The following PRR16 variants were observed in gnomAD, a reference collection of about 807,000 sequenced individuals.
PRR16 encodes the protein protein Largen.
A neutral mutation model predicts 18.2 loss-of-function variants in PRR16; 6 were observed. That is an observed-to-expected ratio of 0.33 (90% confidence interval 0.18 to 0.65). The LOEUF (loss-of-function observed/expected upper bound fraction) is 0.65. Among genes scored for constraint, PRR16 ranks in the 30% least tolerant of loss-of-function variants. The pLI, the probability that PRR16 is intolerant of heterozygous loss-of-function variation, is 0.74. For synonymous variants in PRR16, 151 were observed against 147.8 expected, an observed-to-expected ratio of 1.02 and a Z score of -0.16; for missense variants, 412 against 376.6, an observed-to-expected ratio of 1.09 and a Z score of -0.78.
intron 1 of PRR16, among the ~76,000 whole-genome samples, chr5:120,574,213 G>A (rs1010600951): frequency 6.6e-6 from 1 of 151,956 alleles, no homozygotes; most frequent in African/African-American, 2.4e-5. Flanking sequence ...ACTTGAGAAA[G>A]GACTTGTTTT....
intron 1 of PRR16, among the ~76,000 whole-genome samples, chr5:120,621,730 T>G (rs1754695644): frequency 6.6e-6 from 1 of 152,060 alleles, no homozygotes; most frequent in Admixed American, 6.6e-5. Context: ...TTAGCACATC[T>G]CCTTTCTGCC....
chr5:120,471,983 C>T (rs942682036), intron 1 of PRR16, among the ~76,000 whole-genome samples: 1 of 152,090 alleles, frequency 6.6e-6, no homozygotes, highest in Admixed American at 6.5e-5. Context: ...TTTAAACTCC[C>T]AGACCTCACT....
At chr5:120,748,258 A>T in the PRR16 span, among the ~76,000 whole-genome samples, 1 of 152,232 alleles carries the variant, frequency 6.6e-6, no homozygotes, top group East Asian at 1.9e-4. Context: ...GAGGTTGATG[A>T]TTTTTAAATA....
At chr5:120,747,726 A>G in the PRR16 span, among the ~76,000 whole-genome samples, 1 of 152,098 alleles carries the variant, frequency 6.6e-6, no homozygotes. Context: ...TAATCTGTTT[A>G]TAGAAAACAA....
intron 1 of PRR16, among the ~76,000 whole-genome samples, chr5:120,579,081 C>A (rs1753175885): frequency 6.6e-6 from 1 of 151,980 alleles, no homozygotes; most frequent in Non-Finnish European, 1.5e-5. Flanking sequence ...ATCCTTTGCC[C>A]ACTTTTTGAT....
chr5:120,765,208 T>C, the PRR16 span, among the ~76,000 whole-genome samples: 11 of 151,918 alleles, frequency 7.2e-5, no homozygotes, highest in Non-Finnish European at 1.5e-4. Flanking sequence ...GACCAGAAAA[T>C]AATCTGTGAA....
intron 1 of PRR16, 111 bp from the exon 2 acceptor site, chr5:120,685,843 C>T: frequency 9.2e-7 from 1 of 1,089,144 alleles, no homozygotes; most frequent in South Asian, 1.6e-5. Context: ...ATGTTCAGTT[C>T]AATATCAGTT....
At chr5:120,667,150 C>G (rs1052314163) in intron 1 of PRR16, among the ~76,000 whole-genome samples, 6 of 152,168 alleles carry the variant, frequency 3.9e-5, no homozygotes, top group African/African-American at 1.4e-4. Context: ...TGTTATTGGT[C>G]TCTTCAGAGA....
chr5:120,491,910 A>G (rs763901632), intron 1 of PRR16, among the ~76,000 whole-genome samples: 1 of 152,120 alleles, frequency 6.6e-6, no homozygotes, highest in Admixed American at 6.6e-5. Flanking sequence ...TAAGGAAATT[A>G]TGTCACTTCC....
intron 1 of PRR16, among the ~76,000 whole-genome samples, chr5:120,555,553 T>A (rs1369949186): frequency 6.6e-6 from 1 of 150,456 alleles, no homozygotes; most frequent in African/African-American, 2.5e-5. Context: ...GAGAGAGAGA[T>A]CTGATCTCTC....
the PRR16 span, among the ~76,000 whole-genome samples, chr5:120,750,719 G>A: frequency 6.6e-6 from 1 of 152,016 alleles, no homozygotes; most frequent in Non-Finnish European, 1.5e-5. Flanking sequence ...AGGCACATGT[G>A]TTATTTTGAT....
chr5:120,543,100 C>A, intron 1 of PRR16, among the ~76,000 whole-genome samples: 1 of 152,118 alleles, frequency 6.6e-6, no homozygotes, highest in Non-Finnish European at 1.5e-5. Flanking sequence ...TATTATAAAT[C>A]CATAGGCTGA....
At chr5:120,727,854 T>C in the PRR16 span, among the ~76,000 whole-genome samples, 1 of 152,056 alleles carries the variant, frequency 6.6e-6, no homozygotes, top group East Asian at 1.9e-4. Flanking sequence ...AGTTCATTTT[T>C]TAAATCATTA....
At chr5:120,775,641 T>C in the PRR16 span, among the ~76,000 whole-genome samples, 3 of 151,280 alleles carry the variant, frequency 2.0e-5, no homozygotes, top group East Asian at 5.8e-4. Context: ...CCTTTTTTTT[T>C]TTTTTTTAGA....
chr5:120,522,032 T>A (rs182858838), intron 1 of PRR16, among the ~76,000 whole-genome samples: 1 of 152,352 alleles, frequency 6.6e-6, no homozygotes, highest in East Asian at 1.9e-4. Context: ...TGGTATTCCA[T>A]GGTGTATATG....
intron 1 of PRR16, among the ~76,000 whole-genome samples, chr5:120,623,863 A>G (rs1235790993): frequency 1.3e-5 from 2 of 152,052 alleles, no homozygotes; most frequent in East Asian, 1.9e-4. Flanking sequence ...AATGTGAATA[A>G]GGATGAATAT....
chr5:120,477,190 A>G (rs1749468975), intron 1 of PRR16, among the ~76,000 whole-genome samples: 1 of 152,134 alleles, frequency 6.6e-6, no homozygotes, highest in Non-Finnish European at 1.5e-5. Context: ...TTATATGTCC[A>G]CGACTCCCAA....
At chr5:120,636,810 C>T (rs1755242227) in intron 1 of PRR16, among the ~76,000 whole-genome samples, 1 of 152,002 alleles carries the variant, frequency 6.6e-6, no homozygotes, top group African/African-American at 2.4e-5. Flanking sequence ...AAAGCTTCTG[C>T]ACAGCAAAAA....
At chr5:120,707,124 T>C in the PRR16 span, among the ~76,000 whole-genome samples, 1 of 152,192 alleles carries the variant, frequency 6.6e-6, no homozygotes, top group Non-Finnish European at 1.5e-5. Flanking sequence ...CTAAATGCTC[T>C]AAGAAAAGTG....
Sources: gnomAD v4.1 joint callset for allele counts (sites outside exome capture counted in the v4.1 genomes callset) on GRCh38, gnomAD v4.1.1 for gene constraint, MANE v1.5 for transcripts, NCBI Gene and HGNC (gene_info 2026-07-23, HGNC 2026-07-21) for gene names.